Variants in PAK3 observed in about 807,000 individuals in gnomAD.
PAK3 encodes serine/threonine-protein kinase PAK 3.
PAK3 carries 4 observed loss-of-function variants against 41.0 expected under a neutral mutation model. The observed-to-expected ratio is 0.10, with a 90% CI of 0.05 to 0.22. PAK3 has a LOEUF of 0.22. Among genes scored for constraint, PAK3 ranks in the 10% least tolerant of loss-of-function variants. The pLI is 1.00. For synonymous variants in PAK3, 146 were observed against 139.6 expected (o/e 1.05, Z -0.32); for missense variants, 205 against 409.9 (o/e 0.50, Z 4.32).
At chrX:111,157,702 G>T (rs1261715092) in intron 8 of PAK3, among the ~76,000 whole-genome samples, 1 of 109,017 alleles carries the variant, frequency 9.2e-6, no homozygotes, top group African/African-American at 3.3e-5. Flanking sequence ...CAGGAGAATC[G>T]CTTGAACCCA....
Position 111,142,127 on chromosome X carries a change from G to A in PAK3, c.207G>A (p.Glu69=), listed in dbSNP as rs779707473. The change falls in exon 6 of 18, where the codon GAG becomes GAA. Residue 69 remains glutamate (E), a synonymous_variant. Transcript: ENST00000372007. ...AGAAGAAGGAGAAAGAGCGCCCAGA[G>A]ATCTCTCTTCCTTCAGACTTTGAGC... The part of the protein sequence containing the change: ...TNKKKEKERP[E]ISLPSDFEHT... 1 of 1,198,609 alleles carries A rather than the reference G, an allele frequency of 8.3e-7. No homozygotes were observed. The highest frequency in any genetic ancestry group is 1.8e-5 in the South Asian group (1 of 56,720).
intron 8 of PAK3, among the ~76,000 whole-genome samples, chrX:111,153,034 T>G (rs2094052707): frequency 8.9e-6 from 1 of 111,806 alleles, no homozygotes; most frequent in Admixed American, 9.5e-5. Flanking sequence ...TTGTACAGGG[T>G]TTTTATGTGG....
intron 1 of PAK3, among the ~76,000 whole-genome samples, chrX:110,948,163 C>T: frequency 8.9e-6 from 1 of 111,913 alleles, no homozygotes; most frequent in African/African-American, 3.3e-5. Flanking sequence ...GGTTTATTTC[C>T]TTTCATATTC....
chrX:111,095,458 A>G (rs1335483144), upstream of PAK3, among the ~76,000 whole-genome samples: 1 of 112,142 alleles, frequency 8.9e-6, no homozygotes, highest in African/African-American at 3.2e-5. Context: ...TTTTGGAGTT[A>G]GATTTTATAA....
At chrX:110,974,228 C>T (rs1001402409) in intron 1 of PAK3, among the ~76,000 whole-genome samples, 2 of 111,250 alleles carry the variant, frequency 1.8e-5, no homozygotes, top group Non-Finnish European at 3.8e-5. Flanking sequence ...TAGACATCTA[C>T]AGAACTCTCC....
At chrX:111,029,175 C>G (rs1049602401) in intron 1 of PAK3, among the ~76,000 whole-genome samples, 3 of 111,571 alleles carry the variant, frequency 2.7e-5, no homozygotes, top group African/African-American at 9.8e-5. Flanking sequence ...GAAATAACGG[C>G]CTCTACCTTT....
intron 1 of PAK3, among the ~76,000 whole-genome samples, chrX:110,972,523 C>CA (rs1403095901): frequency 9.0e-6 from 1 of 111,594 alleles, no homozygotes; most frequent in Non-Finnish European, 1.9e-5. Context: ...TCAACATCAA[C>CA]AAAAAGGTCA....
At chrX:110,983,057 G>A (rs1234442491) in intron 1 of PAK3, among the ~76,000 whole-genome samples, 1 of 111,210 alleles carries the variant, frequency 9.0e-6, no homozygotes, top group Non-Finnish European at 1.9e-5. Context: ...TGCTGGCACT[G>A]ACTTTCCCTA....
chrX:110,971,605 T>C (rs780724537), intron 1 of PAK3, among the ~76,000 whole-genome samples: 1 of 112,010 alleles, frequency 8.9e-6, no homozygotes, highest in South Asian at 3.7e-4. Context: ...GATTTTCAAA[T>C]ATTTTCTCCC....
At chrX:111,189,904 T>A (rs1238096222) in intron 11 of PAK3, among the ~76,000 whole-genome samples, 2 of 111,952 alleles carry the variant, frequency 1.8e-5, no homozygotes, top group East Asian at 5.6e-4. Context: ...AAGAGCAAAG[T>A]GCTTTATTTA....
At chrX:111,162,552 C>T (rs575286843) in intron 8 of PAK3, among the ~76,000 whole-genome samples, 2 of 111,328 alleles carry the variant, frequency 1.8e-5, no homozygotes, top group African/African-American at 6.5e-5. Context: ...GATAATCTGC[C>T]CAGTATAGAT....
chrX:111,212,347 CTACAACTGTATT>C (rs2094830573), intron 16 of PAK3, among the ~76,000 whole-genome samples: 1 of 111,898 alleles, frequency 8.9e-6, no homozygotes, highest in African/African-American at 3.3e-5. Context: ...GTTTTATTGG[CTACAACTGTATT>C]TGTCTCTCAT....
At chrX:111,024,908 G>C (rs1217000013) in intron 1 of PAK3, among the ~76,000 whole-genome samples, 1 of 111,188 alleles carries the variant, frequency 9.0e-6, no homozygotes, top group Non-Finnish European at 1.9e-5. Flanking sequence ...CACAAAACGT[G>C]TATCAGTAAA....
intron 1 of PAK3, among the ~76,000 whole-genome samples, chrX:110,979,296 CT>C (rs869275249): frequency 0.085 from 773 of 9,048 alleles, 3 homozygotes; most frequent in African/African-American, 0.12. Flanking sequence ...TATTACTTTT[CT>C]TTTTTTTTTT....
Position 111,146,421 on chromosome X carries a change from C to T in PAK3, c.277-1316C>T, listed in dbSNP as rs878930202. 3 of 575,321 alleles carry T rather than the reference C, an allele frequency of 5.2e-6. No homozygotes were observed. In the South Asian group the frequency reaches 8.2e-5, roughly 16 times the overall value. 47.4% of individuals were successfully genotyped at this position (575,321 alleles called of 1,213,427 possible). A position where few individuals can be genotyped will look rare whatever the true frequency, so the allele number is the denominator to read the frequency against. On this transcript the variant is annotated intron_variant, in intron 6 of 17. Transcript: ENST00000372007. ...TAACTGCCCCACTTTAGAAGGGACTCCCCCCATTCAGACCCATTGGTTTCA... is the reference window on the plus strand; with the variant it reads ...TAACTGCCCCACTTTAGAAGGGACTTCCCCCATTCAGACCCATTGGTTTCA...
Position 111,017,914 on chromosome X carries a change from C to T in PAK3, c.-28+73286C>T, listed in dbSNP as rs984201580. On this transcript the variant is annotated intron_variant, in intron 1 of 14. Transcript: ENST00000425146. ...GTAAGTGGGATTTATTCCTCAAATG[C>T]ATTGATGGGTCAACATTAAAAAAAT... 2.3e-4 allele frequency among the ~76,000 whole-genome samples: 25 copies of T among 111,079 alleles called. No individual in the cohort carries two copies. In the Admixed American group the frequency reaches 2.3e-3, roughly 10 times the overall value.
chrX:111,086,256 G>T (rs2092882212), intron 1 of PAK3, among the ~76,000 whole-genome samples: 2 of 111,654 alleles, frequency 1.8e-5, no homozygotes, highest in African/African-American at 6.5e-5. Context: ...TTTGAAGATT[G>T]TGTCATATAA....
intron 1 of PAK3, among the ~76,000 whole-genome samples, chrX:110,971,706 T>G (rs190477821): frequency 1.8e-5 from 2 of 112,283 alleles, no homozygotes; most frequent in Admixed American, 1.9e-4. Flanking sequence ...TTATTTTTTC[T>G]TTTCTTGACT....
At chrX:111,105,129 A>G (rs1217996778) in intron 4 of PAK3, among the ~76,000 whole-genome samples, 1 of 111,753 alleles carries the variant, frequency 8.9e-6, no homozygotes, top group East Asian at 2.8e-4. Context: ...ATATTTACAT[A>G]CATGCTACAT....
Sources: gnomAD v4.1 joint callset for allele counts (sites outside exome capture counted in the v4.1 genomes callset) on GRCh38, gnomAD v4.1.1 for gene constraint, MANE v1.5 for transcripts, NCBI Gene and HGNC (gene_info 2026-07-23, HGNC 2026-07-21) for gene names.